The following CMYA5 variants were observed in gnomAD, a reference collection of about 807,000 sequenced individuals.
CMYA5 encodes cardiomyopathy-associated protein 5.
In CMYA5, 246 loss-of-function variants were observed where a neutral mutation model predicts 318.9. The observed-to-expected ratio is 0.77, with a 90% CI of 0.70 to 0.86. The LOEUF (loss-of-function observed/expected upper bound fraction) is 0.86, where lower values mean the gene tolerates loss of function less well. Among genes scored for constraint, CMYA5 ranks in the 40% least tolerant of loss-of-function variants. The pLI is 0.00. For missense variants in CMYA5, 4,589 were observed against 4,678.2 expected (o/e 0.98, Z 0.56); for synonymous variants, 1,641 against 1,729.5 (o/e 0.95, Z 1.27).
In CMYA5 at chr5:79,689,898, G is replaced by A; in HGVS notation, c.-10G>A. On this transcript the variant is annotated 5_prime_UTR_variant, in exon 1 of 13. Coordinates refer to ENST00000446378, the MANE Select transcript of CMYA5 (RefSeq NM_153610.5). The stretch of plus-strand genomic sequence containing the variant: ...CCGGCTCCGGCCCCGGCCCAGGCCC[G>A]GGAGAGGCGATGGCGAGCCGCGATA... 4 of 763,684 alleles carry A rather than the reference G, an allele frequency of 5.2e-6. No individual in the cohort carries two copies. The highest frequency in any genetic ancestry group is 1.9e-5 in the African/African-American group (1 of 53,544). 47.3% of individuals were successfully genotyped at this position (763,684 alleles called of 1,614,324 possible). A position where few individuals can be genotyped will look rare whatever the true frequency, so the allele number is the denominator to read the frequency against.
At chr5:79,707,246 A>G (rs192759326) in intron 1 of CMYA5, among the ~76,000 whole-genome samples, 91 of 152,330 alleles carry the variant, frequency 6.0e-4, no homozygotes, top group Admixed American at 1.5e-3. Context: ...ACTGAGACAT[A>G]CAACTGGAAC....
Position 79,730,797 on chromosome 5 carries a change from G to A in CMYA5, c.2032G>A (p.Val678Ile). 1 of 1,613,836 alleles carries A rather than the reference G, an allele frequency of 6.2e-7. No individual in the cohort carries two copies. The highest frequency in any genetic ancestry group is 8.5e-7 in the Non-Finnish European group (1 of 1,179,846). ...TTCAACAGTTACACCAGAATACATG[G>A]TCCTATCAGGAGACGAGGCCTCAGA... ...LFSTVTPEYM[V>I]LSGDEASESG... Residue 678 changes from valine (V) to isoleucine (I), a missense_variant, in exon 2 of 13, where the codon GTC becomes ATC. Val to Ile is a conservative substitution (Grantham distance 29). Around this residue, in one of 3 missense-constraint regions of CMYA5, gnomAD observed 2,132 missense variants for 2,131.3 expected, o/e 1.00. Transcript: ENST00000446378.
At chr5:79,726,427 G>A (rs1278671727) in intron 1 of CMYA5, among the ~76,000 whole-genome samples, 2 of 152,134 alleles carry the variant, frequency 1.3e-5, no homozygotes, top group African/African-American at 4.8e-5. Context: ...ATGTAAAAGA[G>A]CCTGAAAAAA....
At position 79,731,706 on chromosome 5, in the gene CMYA5, C is replaced by T. The variant is rs555725822; in HGVS notation, c.2941C>T (p.Pro981Ser). 2 of 1,613,824 alleles carry T rather than the reference C, an allele frequency of 1.2e-6. No homozygotes were observed. Among genetic ancestry groups the T allele is most frequent in the Admixed American group, 1.7e-5 (1 of 59,980 alleles). Residue 981 changes from proline (P) to serine (S), a missense_variant, in exon 2 of 13, where the codon CCA (proline) becomes TCA (serine). Coordinates refer to ENST00000446378, the MANE Select transcript of CMYA5 (RefSeq NM_153610.5). ...CGATTCTCCAATATGTTTAACATCACCATCTGAGCACACTATTTTGTCAGA... is the reference window on the plus strand; with the variant it reads ...CGATTCTCCAATATGTTTAACATCATCATCTGAGCACACTATTTTGTCAGA... Reference protein sequence around the residue: ...ECDSPICLTSPSEHTILSDED... With the variant: ...ECDSPICLTSSSEHTILSDED...
chr5:79,790,894 G>A, intron 10 of CMYA5, 76 bp from the exon 11 acceptor site: 1 of 956,130 alleles, frequency 1.0e-6, no homozygotes, highest in Non-Finnish European at 1.6e-6. Context: ...TCTAGGGTCT[G>A]AAATGTGGGG....
chr5:79,736,693 G>T lies in CMYA5; in HGVS notation c.7928G>T (p.Arg2643Leu), dbSNP rs368525698. ...TTCCTGCCGGTGGCTCTTTCTTGTCGTGATGAAATAGAGAACCACTCTTTA... is the reference window on the plus strand; with the variant it reads ...TTCCTGCCGGTGGCTCTTTCTTGTCTTGATGAAATAGAGAACCACTCTTTA... ...KTFLPVALSC[R>L]DEIENHSLSQ... is the part of the protein sequence containing the mutation. The change falls in exon 2 of 13, where the codon CGT becomes CTT. Residue 2643 changes from arginine to leucine, a missense_variant. Around this residue, in one of 3 missense-constraint regions of CMYA5, gnomAD observed 2,431 missense variants for 2,495.1 expected, o/e 0.97. Transcript: ENST00000446378. The T allele has an allele frequency of 2.3e-5, 37 of 1,609,854 alleles. No homozygotes were observed. The highest frequency in any genetic ancestry group is 2.2e-4 in the East Asian group (10 of 44,598).
rs1469383375 is a variant in CMYA5, at chr5:79,737,792, A to T, written c.9027A>T (p.Glu3009Asp). Residue 3009 changes from glutamate (E) to aspartate (D), a missense_variant, in exon 2 of 13, where the codon GAA becomes GAT. Physicochemically the swap from Glu to Asp is conservative, Grantham distance 45 (BLOSUM62 2). Transcript: ENST00000446378. Reference sequence around the variant, plus strand: ...ATAAAACATTAAAGAGCAGGTTAGAAGATGAAAAAGTTACCCCATTGAAAG... The same window carrying T: ...ATAAAACATTAAAGAGCAGGTTAGATGATGAAAAAGTTACCCCATTGAAAG... ...ACHKTLKSRL[E>D]DEKVTPLKEN... 6.2e-7 allele frequency: 1 copy of T among 1,611,014 alleles called. No individual in the cohort carries two copies. The highest frequency in any genetic ancestry group is 8.5e-7 in the Non-Finnish European group (1 of 1,179,226).
Position 79,738,700 on chromosome 5 carries a change from A to G in CMYA5, c.9935A>G (p.Glu3312Gly). The part of the protein sequence containing the change: ...YGEGESVDHV[E>G]TVGNVAMQKK... ...GAAGGAGAATCAGTAGACCATGTGG[A>G]GACCGTTGGTAACGTAGCGATGCAG... The change falls in exon 2 of 13, where the codon GAG becomes GGG. Residue 3312 changes from glutamate (E) to glycine (G), a missense_variant. Physicochemically the swap from Glu to Gly is moderately conservative, Grantham distance 98. Transcript: ENST00000446378. The G allele has an allele frequency of 6.2e-7, 1 of 1,613,968 alleles. No homozygotes were observed. The highest frequency in any genetic ancestry group is 1.1e-5 in the South Asian group (1 of 91,082).
chr5:79,775,556 A>G (rs1315340902), intron 9 of CMYA5, among the ~76,000 whole-genome samples: 3 of 152,190 alleles, frequency 2.0e-5, no homozygotes, highest in African/African-American at 4.8e-5. Flanking sequence ...AGCAAGAGGA[A>G]AAAAAGAGAT....
In CMYA5 at chr5:79,737,396, A is replaced by G; in HGVS notation, c.8631A>G (p.Glu2877=). ...LVSKHHLEAA[E]DTRVKEPLSS... ...CAAAGCACCACTTGGAGGCTGCGGA[A>G]GATACCCGTGTAAAGGAACCACTGT... The change falls in exon 2 of 13, where the codon GAA becomes GAG. Residue 2877 remains glutamate, a synonymous_variant. Transcript: ENST00000446378. 6.2e-7 allele frequency: 1 copy of G among 1,613,898 alleles called. No individual in the cohort carries two copies. Among genetic ancestry groups the G allele is most frequent in the Non-Finnish European group, 8.5e-7 (1 of 1,179,830 alleles).
Position 79,728,999 on chromosome 5 carries a change from G to A in CMYA5, c.234G>A (p.Arg78=). The change falls in exon 2 of 13, where the codon AGG becomes AGA. Residue 78 remains arginine, a synonymous_variant. Coordinates refer to ENST00000446378, the MANE Select transcript of CMYA5 (RefSeq NM_153610.5). ...DPSFSMVTVQ[R]EDSGITWETN... is the part of the protein sequence containing the mutation. ...CCTTTTCCATGGTGACAGTCCAAAG[G>A]GAAGATAGTGGGATAACCTGGGAAA... 6.2e-7 allele frequency: 1 copy of A among 1,613,862 alleles called. No homozygotes were observed. Among genetic ancestry groups the A allele is most frequent in the Non-Finnish European group, 8.5e-7 (1 of 1,179,814 alleles).
chr5:79,690,697 A>C (rs1826955427), intron 1 of CMYA5, among the ~76,000 whole-genome samples: 1 of 152,198 alleles, frequency 6.6e-6, no homozygotes, highest in Non-Finnish European at 1.5e-5. Flanking sequence ...AGAAGGCCCT[A>C]AAATGAGAAT....
In CMYA5 at chr5:79,788,523, C is replaced by T. The variant is rs372337899; in HGVS notation, c.11556-448C>T. Among the ~76,000 whole-genome samples the T allele has an allele frequency of 1.6e-4, 24 of 145,562 alleles. No homozygotes were observed. The South Asian group carries it at 5.2e-3, about 31-fold the overall frequency. ...TCTTTTCTTGCCAAGATCGAGTTTGCTTTAAAAGATTTCATCTTCTTTAAA... is the reference window on the plus strand; with the variant it reads ...TCTTTTCTTGCCAAGATCGAGTTTGTTTTAAAAGATTTCATCTTCTTTAAA... On this transcript the variant is annotated intron_variant, in intron 9 of 12. Coordinates refer to ENST00000446378, the MANE Select transcript of CMYA5 (RefSeq NM_153610.5).
Position 79,758,487 on chromosome 5 carries a change from G to A in CMYA5, c.11111-266G>A, listed in dbSNP as rs530728643. 2.6e-5 allele frequency among the ~76,000 whole-genome samples: 4 copies of A among 152,040 alleles called. No individual in the cohort carries two copies. In the East Asian group the frequency reaches 7.7e-4, roughly 29 times the overall value. On this transcript the variant is annotated intron_variant, in intron 6 of 12. Transcript: ENST00000446378. ...GCAAAGGTTGCAGTGAGCCGAGATC[G>A]TGCCACTGCACTCCAGCCTGGGTGA...
intron 1 of CMYA5, among the ~76,000 whole-genome samples, chr5:79,699,580 C>T (rs1245463795): frequency 1.3e-5 from 2 of 152,104 alleles, no homozygotes; most frequent in African/African-American, 4.8e-5. Context: ...AAGTGGGTGC[C>T]TAGAAGAGGA....
Position 79,732,164 on chromosome 5 carries a change from T to A in CMYA5, c.3399T>A (p.Ser1133Arg), listed in dbSNP as rs1225034249. 6.2e-7 allele frequency: 1 copy of A among 1,613,868 alleles called. No homozygotes were observed. The highest frequency in any genetic ancestry group is 1.7e-5 in the Admixed American group (1 of 59,994). Reference sequence around the variant, plus strand: ...ACTTGATTCCTTCACATTTAACCAGTGAAGTGGAGAAGGGAGAAAGGGAGG... The same window carrying A: ...ACTTGATTCCTTCACATTTAACCAGAGAAGTGGAGAAGGGAGAAAGGGAGG... Reference protein sequence around the residue: ...SEDLIPSHLTSEVEKGEREAS... With the variant: ...SEDLIPSHLTREVEKGEREAS... The change falls in exon 2 of 13, where the codon AGT becomes AGA. Residue 1133 changes from serine to arginine, a missense_variant. Transcript: ENST00000446378.
intron 1 of CMYA5, among the ~76,000 whole-genome samples, chr5:79,690,920 TGAA>T (rs920644733): frequency 3.9e-5 from 6 of 152,150 alleles, no homozygotes; most frequent in African/African-American, 1.4e-4. Context: ...GAGCCGATGT[TGAA>T]GAAGTAGCCC....
At chr5:79,787,687 A>C (rs1829104935) in intron 9 of CMYA5, among the ~76,000 whole-genome samples, 1 of 152,224 alleles carries the variant, frequency 6.6e-6, no homozygotes, top group African/African-American at 2.4e-5. Flanking sequence ...ACTAAACAGC[A>C]GTTACACAAG....
Position 79,768,159 on chromosome 5 carries a change from A to T in CMYA5, c.11555+4950A>T, listed in dbSNP as rs1828788361. ...TTTTCTTTCCATTTGCTTGGTAAGT[A>T]TTCCTCCATCCCTTTATTTTGAGCC... On this transcript the variant is annotated intron_variant, in intron 9 of 12. Coordinates refer to ENST00000446378, the MANE Select transcript of CMYA5 (RefSeq NM_153610.5). 4.0e-5 allele frequency among the ~76,000 whole-genome samples: 6 copies of T among 151,410 alleles called. No individual in the cohort carries two copies. The South Asian group carries it at 1.0e-3, about 26-fold the overall frequency.
Sources: allele counts gnomAD v4.1 joint callset (sites outside exome capture counted in the v4.1 genomes callset), GRCh38; gene constraint gnomAD v4.1.1; regional missense constraint gnomAD v4.1.1; transcripts MANE v1.5; gene names NCBI Gene and HGNC (gene_info 2026-07-23, HGNC 2026-07-21).